The following BRINP3 variants were observed in gnomAD, a reference collection of about 807,000 sequenced individuals.
BRINP3 encodes BMP/retinoic acid inducible neural specific 3.
Under a neutral mutation model 71.0 loss-of-function variants are expected in BRINP3, and 19 were observed. That is an observed-to-expected ratio of 0.27 (90% CI 0.19 to 0.39). The LOEUF is 0.39. BRINP3 is among the 10% of genes least tolerant of loss of function. The probability of loss-of-function intolerance (pLI) is 1.00; values close to 1 mark genes in which losing one functional copy is unlikely to be tolerated. For missense variants in BRINP3, 959 were observed against 940.8 expected, an observed-to-expected ratio of 1.02 and a Z score of -0.25; for synonymous variants, 380 against 337.7, an observed-to-expected ratio of 1.13 and a Z score of -1.37.
chr1:190,232,182 C>T (rs1658057838), intron 5 of BRINP3, among the ~76,000 whole-genome samples: 1 of 151,864 alleles, frequency 6.6e-6, no homozygotes, highest in East Asian at 1.9e-4. Flanking sequence ...CTAGCTAACC[C>T]CAAAAGACAT....
chr1:190,354,360 C>A (rs1467969488), intron 2 of BRINP3, among the ~76,000 whole-genome samples: 1 of 151,798 alleles, frequency 6.6e-6, no homozygotes, highest in Non-Finnish European at 1.5e-5. Flanking sequence ...AGCCCCACTA[C>A]AAAGAATTAT....
At chr1:190,354,773 T>A (rs1558210907) in intron 2 of BRINP3, among the ~76,000 whole-genome samples, 1 of 143,734 alleles carries the variant, frequency 7.0e-6, no homozygotes, top group Non-Finnish European at 1.5e-5. Context: ...TTCTAAGTGT[T>A]TTTTTTTTTT....
intron 6 of BRINP3, among the ~76,000 whole-genome samples, chr1:190,165,928 C>A (rs898866727): frequency 1.3e-5 from 2 of 152,154 alleles, no homozygotes; most frequent in Admixed American, 1.3e-4. Context: ...TACTAATACA[C>A]AAATTTTGAC....
At chr1:190,300,273 T>G (rs1664578480) in intron 2 of BRINP3, among the ~76,000 whole-genome samples, 1 of 152,150 alleles carries the variant, frequency 6.6e-6, no homozygotes, top group Admixed American at 6.5e-5. Flanking sequence ...TTCTCTAAAC[T>G]ACCCTTCTCA....
chr1:190,421,670 G>A (rs1396572527), intron 2 of BRINP3, among the ~76,000 whole-genome samples: 1 of 151,664 alleles, frequency 6.6e-6, no homozygotes, highest in Non-Finnish European at 1.5e-5. Flanking sequence ...GTTGCTATGT[G>A]ATAGATAGAT....
At chr1:190,220,026 G>T (rs1296010241) in intron 6 of BRINP3, among the ~76,000 whole-genome samples, 1 of 151,924 alleles carries the variant, frequency 6.6e-6, no homozygotes, top group Non-Finnish European at 1.5e-5. Context: ...GCAAGATCAA[G>T]GAGTGGAAAT....
At chr1:190,102,839 T>C (rs1446340704) in intron 7 of BRINP3, among the ~76,000 whole-genome samples, 1 of 152,060 alleles carries the variant, frequency 6.6e-6, no homozygotes, top group African/African-American at 2.4e-5. Context: ...AAAAATCTTT[T>C]AGGTGAAAGA....
intron 1 of BRINP3, among the ~76,000 whole-genome samples, chr1:190,456,078 G>T (rs1675964862): frequency 2.0e-5 from 3 of 152,138 alleles, no homozygotes; most frequent in Admixed American, 1.3e-4. Flanking sequence ...AAAAGATTAA[G>T]ATTTACAGTA....
intron 2 of BRINP3, among the ~76,000 whole-genome samples, chr1:190,382,759 ACTGAATTTGCCAAAGCC>A (rs967739455): frequency 2.6e-5 from 4 of 152,198 alleles, no homozygotes; most frequent in Non-Finnish European, 4.4e-5. Context: ...ATTAGCAGCC[ACTGAATTTGCCAAAGCC>A]CAGTTCCAGT....
rs146818688 is a variant in BRINP3, at chr1:190,461,459, A to G, written c.-50-6519T>C. Among the ~76,000 whole-genome samples the G allele has an allele frequency of 4.3e-3, 662 of 152,212 alleles. 4 individuals are homozygous for G. Among genetic ancestry groups the G allele is most frequent in the Non-Finnish European group, 7.0e-3 (477 of 68,010 alleles). On this transcript the variant is annotated intron_variant, in intron 1 of 7. Transcript: ENST00000367462. Reference sequence around the variant, plus strand: ...TTATGCTCCCATTACTTTCCCTATGATGGTACATTTACATGATATTTGCTT... The same window carrying G: ...TTATGCTCCCATTACTTTCCCTATGGTGGTACATTTACATGATATTTGCTT...
chr1:190,184,015 T>C (rs1653278474), intron 6 of BRINP3, among the ~76,000 whole-genome samples: 1 of 152,118 alleles, frequency 6.6e-6, no homozygotes, highest in Non-Finnish European at 1.5e-5. Flanking sequence ...ATTGGTATTT[T>C]CAAGTTTCTG....
intron 3 of BRINP3, among the ~76,000 whole-genome samples, chr1:190,277,115 A>ATATATATATATATATATT (rs1212564236): frequency 1.9e-4 from 24 of 129,290 alleles, no homozygotes; most frequent in African/African-American, 6.5e-4. Flanking sequence ...ATATATATAT[A>ATATATATATATATATATT]TATTTATATT....
chr1:190,476,251 T>A (rs200420910), intron 1 of BRINP3, among the ~76,000 whole-genome samples: 6 of 142,222 alleles, frequency 4.2e-5, no homozygotes, highest in East Asian at 2.1e-4. Context: ...TCCCAGAAAT[T>A]AAAAAAAAAA....
At chr1:190,176,216 T>A (rs1231688113) in intron 6 of BRINP3, among the ~76,000 whole-genome samples, 1 of 152,084 alleles carries the variant, frequency 6.6e-6, no homozygotes, top group African/African-American at 2.4e-5. Context: ...ACTCCACACT[T>A]CCCTAGGAAA....
At chr1:190,176,292 G>A (rs374072295) in intron 6 of BRINP3, among the ~76,000 whole-genome samples, 1 of 152,140 alleles carries the variant, frequency 6.6e-6, no homozygotes, top group Non-Finnish European at 1.5e-5. Flanking sequence ...ATGTGGGCTA[G>A]TATGTTAATC....
chr1:190,283,409 A>C (rs891881314), intron 2 of BRINP3, among the ~76,000 whole-genome samples: 1 of 151,872 alleles, frequency 6.6e-6, no homozygotes, highest in Non-Finnish European at 1.5e-5. Context: ...CAACCGATCT[A>C]CATAATTTGC....
chr1:190,306,558 G>T (rs1324267422), intron 2 of BRINP3, among the ~76,000 whole-genome samples: 1 of 151,900 alleles, frequency 6.6e-6, no homozygotes, highest in African/African-American at 2.4e-5. Flanking sequence ...TAGGTGTGGA[G>T]GTGGGGGTAT....
chr1:190,234,566 C>T (rs994774657), intron 4 of BRINP3, 89 bp from the exon 5 acceptor site: 26 of 903,180 alleles, frequency 2.9e-5, no homozygotes, highest in South Asian at 8.4e-5. Context: ...TAATATTATA[C>T]GTTTGACAGT....
intron 1 of BRINP3, among the ~76,000 whole-genome samples, chr1:190,463,611 AC>A (rs1676541491): frequency 6.6e-6 from 1 of 151,868 alleles, no homozygotes; most frequent in Non-Finnish European, 1.5e-5. Flanking sequence ...GTGTAAAAAC[AC>A]AGATTTTCAT....
Sources: gnomAD v4.1 joint callset for allele counts (sites outside exome capture counted in the v4.1 genomes callset) on GRCh38, gnomAD v4.1.1 for gene constraint, MANE v1.5 for transcripts, NCBI Gene and HGNC (gene_info 2026-07-23, HGNC 2026-07-21) for gene names.